Variants in EPPK1 observed in about 807,000 individuals in gnomAD.
EPPK1 encodes epiplakin.
For missense variants in EPPK1, 3,823 were observed against 3,673.3 expected (o/e 1.04, Z -1.05); for synonymous variants, 1,862 against 1,721.2 (o/e 1.08, Z -2.03).
rs782033744 is a variant in EPPK1 at position 143,868,337 on chromosome 8, G to C, written c.4917C>G (p.Tyr1639Ter). 6.8e-6 allele frequency: 11 copies of C among 1,613,130 alleles called. No individual in the cohort carries two copies. The highest frequency in any genetic ancestry group is 1.7e-5 in the Admixed American group (1 of 60,030). Residue 1639 changes from tyrosine (Y) to a stop codon, truncating the protein, a stop_gained, in exon 2 of 2, where the codon TAC (tyrosine) becomes TAG (stop). Transcript: ENST00000615648. LOFTEE classifies it low-confidence loss of function (END_TRUNC). ...FKAGMFGKET[Y>*]VKLLSAERAV... Reference sequence around the variant, plus strand: ...CGCGCTCGGCCGACAGCAGCTTCACGTAGGTTTCTTTCCCGAACATTCCTG... The same window carrying C: ...CGCGCTCGGCCGACAGCAGCTTCACCTAGGTTTCTTTCCCGAACATTCCTG...
chr8:143,872,528 C>A lies in EPPK1; in HGVS notation c.726G>T (p.Val242=). 1 of 1,601,016 alleles carries A rather than the reference C, an allele frequency of 6.2e-7. No homozygotes were observed. The highest frequency in any genetic ancestry group is 1.1e-5 in the South Asian group (1 of 90,066). The change falls in exon 2 of 2, where the codon GTG becomes GTT. Residue 242 remains valine, a synonymous_variant. Coordinates refer to ENST00000615648, the MANE Select transcript of EPPK1 (RefSeq NM_031308.4). The part of the protein sequence containing the change: ...KITFRSMGGA[V]SAAELLEVGI... ...CCACCTCCAGCAGCTCAGCTGCACT[C>A]ACCGCCCCGCCCATGGAGCGGAAGG... is the stretch of plus-strand genomic sequence containing the variant.
chr8:143,867,612 T>C lies in EPPK1; in HGVS notation c.5642A>G (p.Gln1881Arg), dbSNP rs1398708373. The C allele has an allele frequency of 1.9e-6, 3 of 1,613,250 alleles. No homozygotes were observed. The highest frequency in any genetic ancestry group is 2.5e-6 in the Non-Finnish European group (3 of 1,179,872). The change falls in exon 2 of 2, where the codon CAG becomes CGG. Residue 1881 changes from glutamine (Q) to arginine (R), a missense_variant. Coordinates refer to ENST00000615648, the MANE Select transcript of EPPK1 (RefSeq NM_031308.4). ...HTLRVGRTGG[Q>R]ALSTLECVKP... ...CACACACTCCAGCGTGCTGAGTGCC[T>C]GTCCCCCAGTCCTCCCCACACGAAG... is the stretch of plus-strand genomic sequence containing the variant.
At chr8:143,876,081 A>G (rs1445295998) in intron 1 of EPPK1, among the ~76,000 whole-genome samples, 1 of 152,206 alleles carries the variant, frequency 6.6e-6, no homozygotes, top group Non-Finnish European at 1.5e-5. Context: ...TCACCAAGCC[A>G]AAGGCTATGC....
intron 1 of EPPK1, among the ~76,000 whole-genome samples, chr8:143,874,872 A>AC (rs1285862365): frequency 2.7e-5 from 4 of 149,920 alleles, no homozygotes; most frequent in Non-Finnish European, 4.4e-5. Context: ...CCCACGTTTG[A>AC]CCCCCACCCC....
At chr8:143,878,657 C>T (rs1373719726), upstream of EPPK1, among the ~76,000 whole-genome samples, 1 of 151,828 alleles carries the variant, frequency 6.6e-6, no homozygotes, top group African/African-American at 2.4e-5. Context: ...CTCCCCTCGT[C>T]CCCAGCAGGG....
In EPPK1 at chr8:143,867,331, C is replaced by T. The variant is rs1819163321; in HGVS notation, c.5923G>A (p.Ala1975Thr). 6.2e-7 allele frequency: 1 copy of T among 1,612,750 alleles called. No individual in the cohort carries two copies. The highest frequency in any genetic ancestry group is 8.5e-7 in the Non-Finnish European group (1 of 1,179,820). The change falls in exon 2 of 2, where the codon GCC (alanine) becomes ACC (threonine). Residue 1975 changes from alanine (A) to threonine (T), a missense_variant. Coordinates refer to ENST00000615648, the MANE Select transcript of EPPK1 (RefSeq NM_031308.4). ...GTGGCCGGATCCCTGTAGCCCGTGG[C>T]AGCTCTTTCAGCCTTCAGGAGCCTC... ...RERLLKAERAATGYRDPATGD... is the reference protein window; with the variant it reads ...RERLLKAERATTGYRDPATGD...
At position 143,872,875 on chromosome 8, in the gene EPPK1, C is replaced by A; in HGVS notation, c.379G>T (p.Gly127Cys). Residue 127 changes from glycine to cysteine, a missense_variant, in exon 2 of 2, where the codon GGC (glycine) becomes TGC (cysteine). Transcript: ENST00000615648. ...RATTGYPDPY[G>C]GEKLALFQAI... ...TGAAAGAGGGCCAGCTTCTCACCGC[C>A]GTAGGGGTCAGGATAGCCCGTAGTG... The A allele has an allele frequency of 1.3e-6, 2 of 1,587,724 alleles. No homozygotes were observed. Among genetic ancestry groups the A allele is most frequent in the South Asian group, 1.1e-5 (1 of 87,506 alleles).
chr8:143,876,102 C>A (rs1419612608), intron 1 of EPPK1, among the ~76,000 whole-genome samples: 1 of 152,212 alleles, frequency 6.6e-6, no homozygotes, highest in Non-Finnish European at 1.5e-5. Context: ...TGCTCCCAGG[C>A]CCATCATGTC....
At chr8:143,876,571 G>A (rs567551686) in intron 1 of EPPK1, among the ~76,000 whole-genome samples, 11 of 152,240 alleles carry the variant, frequency 7.2e-5, no homozygotes, top group African/African-American at 1.2e-4. Context: ...GACCACTCCC[G>A]GTTACCCCTG....
Position 143,866,684 on chromosome 8 carries a change from G to A in EPPK1, c.6570C>T (p.Ala2190=). The part of the protein sequence containing the change: ...QITASELLSS[A]IITEEMLQDL... ...CCTGGAGCATTTCCTCCGTGATTAT[G>A]GCTGAGCTGAGGAGTTCAGAAGCTG... Residue 2190 remains alanine (A), a synonymous_variant, in exon 2 of 2, where the codon GCC becomes GCT. Transcript: ENST00000615648. 1 of 1,613,272 alleles carries A rather than the reference G, an allele frequency of 6.2e-7. No homozygotes were observed. Among genetic ancestry groups the A allele is most frequent in the South Asian group, 1.1e-5 (1 of 91,086 alleles).
upstream of EPPK1, among the ~76,000 whole-genome samples, chr8:143,878,631 C>A (rs1197990896): frequency 6.6e-6 from 1 of 151,706 alleles, no homozygotes; most frequent in Non-Finnish European, 1.5e-5. Flanking sequence ...GGGGCGGCGG[C>A]TGGGCAGCCG....
At position 143,857,804 on chromosome 8, in the gene EPPK1, C is replaced by A; in HGVS notation, c.*183G>T. 1.9e-6 allele frequency: 1 copy of A among 525,238 alleles called. No individual in the cohort carries two copies. Among genetic ancestry groups the A allele is most frequent in the Middle Eastern group, 5.1e-4 (1 of 1,968 alleles). The allele number at this position is 525,238 out of a possible 1,614,324, so 32.5% of individuals were successfully genotyped here. On this transcript the variant is annotated 3_prime_UTR_variant, in exon 2 of 2. Coordinates refer to ENST00000615648, the MANE Select transcript of EPPK1 (RefSeq NM_031308.4). Reference sequence around the variant, plus strand: ...ACACACCAAAAAACTTATGAAACACCTCGATGGACAAAGGAAAAGTTTCTG... The same window carrying A: ...ACACACCAAAAAACTTATGAAACACATCGATGGACAAAGGAAAAGTTTCTG...
Position 143,869,742 on chromosome 8 carries a change from G to A in EPPK1, c.3512C>T (p.Thr1171Ile). Residue 1171 changes from threonine (T) to isoleucine (I), a missense_variant, in exon 2 of 2, where the codon ACT becomes ATT. Transcript: ENST00000615648. ...LLEDVQEGRT[T>I]VPQLLASVQR... ...CACAGAGGCTAGCAGCTGTGGCACAGTGGTCCTCCCCTCCTGCACGTCCTC... is the reference window on the plus strand; with the variant it reads ...CACAGAGGCTAGCAGCTGTGGCACAATGGTCCTCCCCTCCTGCACGTCCTC... The A allele has an allele frequency of 6.2e-7, 1 of 1,601,218 alleles. No homozygotes were observed.
In EPPK1 at chr8:143,868,631, C is replaced by T. The variant is rs6994315; in HGVS notation, c.4623G>A (p.Arg1541=). 2,299 of 1,595,900 alleles carry T rather than the reference C, an allele frequency of 1.4e-3. 25 individuals carry two copies. The African/African-American group carries it at 0.027, about 19-fold the overall frequency. Residue 1541 remains arginine, a synonymous_variant, in exon 2 of 2, where the codon AGG becomes AGA. Transcript: ENST00000615648. ...RDLFRAQLIS[R]KTLDELSQGT... ...CCTGGCTCAGCTCGTCCAGCGTCTT[C>T]CTGCTGATCAGCTGCGCCCTGAACA...
In EPPK1 at chr8:143,871,575, A is replaced by G. The variant is rs528701859; in HGVS notation, c.1679T>C (p.Phe560Ser). Residue 560 changes from phenylalanine to serine, a missense_variant, in exon 2 of 2, where the codon TTT (phenylalanine) becomes TCT (serine). Coordinates refer to ENST00000615648, the MANE Select transcript of EPPK1 (RefSeq NM_031308.4). ...EQAAATARVT[F>S]SGLRDTVTPG... ...TGTCACGGTGTCCCTCAGCCCAGAA[A>G]AGGTGACCCTGGCAGTGGCTGCAGC... 61 of 1,606,200 alleles carry G rather than the reference A, an allele frequency of 3.8e-5. No individual in the cohort carries two copies. The South Asian group carries it at 5.7e-4, about 15-fold the overall frequency.
Position 143,872,586 on chromosome 8 carries a change from C to T in EPPK1, c.668G>A (p.Gly223Asp), listed in dbSNP as rs368200326. 9 of 1,609,614 alleles carry T rather than the reference C, an allele frequency of 5.6e-6. No homozygotes were observed. The African/African-American group carries it at 1.2e-4, about 21-fold the overall frequency. The change falls in exon 2 of 2, where the codon GGC becomes GAC. Residue 223 changes from glycine (G) to aspartate (D), a missense_variant. Gly to Asp is a moderately conservative substitution (Grantham distance 94). Transcript: ENST00000615648. ...QLLERCVRAP[G>D]SGLALLPLKI... ...GAGGGGCAGCAAGGCTAGCCCCGAG[C>T]CGGGGGCACGCACACACCTTTCCAG...
Position 143,872,269 on chromosome 8 carries a change from C to T in EPPK1, c.985G>A (p.Val329Met). The T allele has an allele frequency of 6.2e-7, 1 of 1,608,156 alleles. No individual in the cohort carries two copies. The highest frequency in any genetic ancestry group is 1.3e-5 in the African/African-American group (1 of 75,002). ...LEAQAATHTL[V>M]DPITGQRLWV... Reference sequence around the variant, plus strand: ...AGCCGCTGGCCTGTGATGGGGTCCACCAGGGTGTGGGTGGCAGCCTGGGCC... The same window carrying T: ...AGCCGCTGGCCTGTGATGGGGTCCATCAGGGTGTGGGTGGCAGCCTGGGCC... The change falls in exon 2 of 2, where the codon GTG becomes ATG. Residue 329 changes from valine to methionine, a missense_variant. Transcript: ENST00000615648.
rs1554661297 is a variant in EPPK1, at chr8:143,871,748, C to G, written c.1506G>C (p.Lys502Asn). The change falls in exon 2 of 2, where the codon AAG (lysine) becomes AAC (asparagine). Residue 502 changes from lysine to asparagine, a missense_variant. Transcript: ENST00000615648. ...STATATVSVG[K>N]FRGRPVSLWE... Reference sequence around the variant, plus strand: ...AGAGGGACACGGGCCGGCCCCGGAACTTCCCCACAGAGACGGTGGCTGTGG... The same window carrying G: ...AGAGGGACACGGGCCGGCCCCGGAAGTTCCCCACAGAGACGGTGGCTGTGG... 6 of 1,610,492 alleles carry G rather than the reference C, an allele frequency of 3.7e-6. No homozygotes were observed.
rs376184415 is a variant in EPPK1 at position 143,866,776 on chromosome 8, C to G, written c.6478G>C (p.Glu2160Gln). ...CTGGTTTCCTGCTTCTCGATCAACT[C>G]TAAGATGAGCTGCGCTACCGTCTGC... ...ALQTVAQLIL[E>Q]LIEKQETSNK... is the part of the protein sequence containing the mutation. Residue 2160 changes from glutamate to glutamine, a missense_variant, in exon 2 of 2, where the codon GAG becomes CAG. Transcript: ENST00000615648. The G allele has an allele frequency of 4.0e-5, 65 of 1,613,388 alleles. No homozygotes were observed. Among genetic ancestry groups the G allele is most frequent in the Non-Finnish European group, 4.8e-5 (57 of 1,179,888 alleles).
Sources: gnomAD v4.1 joint callset for allele counts (sites outside exome capture counted in the v4.1 genomes callset) on GRCh38, gnomAD v4.1.1 for gene constraint, MANE v1.5 for transcripts, NCBI Gene and HGNC (gene_info 2026-07-23, HGNC 2026-07-21) for gene names.